Variants in NREP observed in about 807,000 individuals in gnomAD.
The protein encoded by NREP is neuronal regeneration related protein, also known as neuronal regeneration-related protein.
Under a neutral mutation model 8.6 loss-of-function variants are expected in NREP, and 5 were observed. The ratio of observed to expected loss-of-function variants is 0.58; its 90% CI spans 0.30 to 1.22. NREP has a LOEUF of 1.22. Ranked by LOEUF, NREP falls within the 50% of genes most tolerant of loss-of-function variation. The probability of loss-of-function intolerance (pLI) is 0.07; values close to 1 mark genes in which losing one functional copy is unlikely to be tolerated. For missense variants in NREP, 86 were observed against 82.5 expected (o/e 1.04, Z -0.17); for synonymous variants, 27 against 28.0 (o/e 0.96, Z 0.11).
intron 2 of NREP, among the ~76,000 whole-genome samples, chr5:111,829,461 G>A (rs966387835): frequency 2.6e-5 from 4 of 152,144 alleles, no homozygotes; most frequent in African/African-American, 9.7e-5. Context: ...GGCCCATAAA[G>A]ACAATGTAAT....
intron 2 of NREP, among the ~76,000 whole-genome samples, chr5:111,955,513 T>C (rs903727983): frequency 6.7e-6 from 1 of 149,154 alleles, no homozygotes; most frequent in Non-Finnish European, 1.5e-5. Flanking sequence ...AAAAAACACA[T>C]TCGGTTCTAA....
At chr5:111,968,371 T>C (rs1323876141) in intron 2 of NREP, among the ~76,000 whole-genome samples, 1 of 152,300 alleles carries the variant, frequency 6.6e-6, no homozygotes, top group East Asian at 1.9e-4. Flanking sequence ...AATGGCTAAG[T>C]CCATAACATT....
intron 2 of NREP, among the ~76,000 whole-genome samples, chr5:111,840,811 A>T (rs1247657129): frequency 1.3e-5 from 2 of 152,152 alleles, no homozygotes; most frequent in Non-Finnish European, 2.9e-5. Flanking sequence ...GACAGGAAAA[A>T]CTATGAACCA....
At chr5:111,880,184 G>A (rs1295332768) in intron 2 of NREP, among the ~76,000 whole-genome samples, 1 of 151,798 alleles carries the variant, frequency 6.6e-6, no homozygotes, top group East Asian at 1.9e-4. Context: ...ACCTCTCTCT[G>A]TTTACTCATC....
intron 2 of NREP, among the ~76,000 whole-genome samples, chr5:111,887,373 A>T (rs1754287448): frequency 6.6e-6 from 1 of 152,204 alleles, no homozygotes; most frequent in African/African-American, 2.4e-5. Context: ...AATTTTTTAA[A>T]AAGAAGAAAA....
In NREP at chr5:111,946,556, G is replaced by C. The variant is rs139086857; in HGVS notation, c.135+28718C>G. On this transcript the variant is annotated intron_variant, in intron 2 of 3. Coordinates refer to the NREP transcript ENST00000395634. ...CCTTCTCATTTGTCACATGGGATTG[G>C]TCATTTCCTCCCCTCCTATTCTTAT... 8.3e-4 allele frequency among the ~76,000 whole-genome samples: 126 copies of C among 152,048 alleles called. 1 individual carries two copies. The highest frequency in any genetic ancestry group is 2.7e-3 in the African/African-American group (113 of 41,506).
At chr5:111,752,151 T>C (rs1360364983) in intron 2 of NREP, among the ~76,000 whole-genome samples, 1 of 152,218 alleles carries the variant, frequency 6.6e-6, no homozygotes, top group African/African-American at 2.4e-5. Flanking sequence ...CTTCAATGTA[T>C]TTATGATGAT....
At chr5:111,856,567 G>A (rs1016011800) in intron 2 of NREP, among the ~76,000 whole-genome samples, 1 of 152,080 alleles carries the variant, frequency 6.6e-6, no homozygotes, top group Non-Finnish European at 1.5e-5. Context: ...CTGAATTCCA[G>A]AGCCCATGTT....
chr5:111,948,092 A>T (rs1418770508), intron 2 of NREP, among the ~76,000 whole-genome samples: 1 of 152,100 alleles, frequency 6.6e-6, no homozygotes, highest in Non-Finnish European at 1.5e-5. Context: ...ATTTTTGAAT[A>T]ATAAAAAGAA....
At chr5:111,840,285 T>G (rs1340868393) in intron 2 of NREP, among the ~76,000 whole-genome samples, 1 of 152,102 alleles carries the variant, frequency 6.6e-6, no homozygotes, top group African/African-American at 2.4e-5. Context: ...GGGATTTTTT[T>G]GGTGGTGGTT....
At chr5:111,946,824 A>T (rs1376395592) in intron 2 of NREP, among the ~76,000 whole-genome samples, 1 of 152,066 alleles carries the variant, frequency 6.6e-6, no homozygotes, top group African/African-American at 2.4e-5. Context: ...CTATAATGTT[A>T]CTGTTACAAG....
At chr5:111,875,671 T>C (rs1265854527) in intron 2 of NREP, among the ~76,000 whole-genome samples, 1 of 152,202 alleles carries the variant, frequency 6.6e-6, no homozygotes, top group Non-Finnish European at 1.5e-5. Context: ...TCATCCCTTT[T>C]GGTACATTCT....
intron 2 of NREP, among the ~76,000 whole-genome samples, chr5:111,813,056 T>A (rs1336840554): frequency 6.6e-6 from 1 of 152,200 alleles, no homozygotes; most frequent in African/African-American, 2.4e-5. Context: ...GGTACCCTAC[T>A]CTTTAAGTGT....
At chr5:111,962,539 T>C (rs1756508367) in intron 2 of NREP, among the ~76,000 whole-genome samples, 1 of 152,166 alleles carries the variant, frequency 6.6e-6, no homozygotes, top group South Asian at 2.1e-4. Context: ...AGAGAAATCC[T>C]AGGCAGACAG....
At chr5:111,829,983 G>C (rs1387071974) in intron 2 of NREP, among the ~76,000 whole-genome samples, 1 of 152,072 alleles carries the variant, frequency 6.6e-6, no homozygotes, top group African/African-American at 2.4e-5. Flanking sequence ...TTTCCCAAAA[G>C]AATCTAGACA....
chr5:111,968,258 C>T (rs1237575591), intron 2 of NREP, among the ~76,000 whole-genome samples: 3 of 151,966 alleles, frequency 2.0e-5, no homozygotes, highest in African/African-American at 7.2e-5. Flanking sequence ...ACTTTCTTTA[C>T]ATATTAAACC....
chr5:111,746,297 A>T (rs986111766), intron 2 of NREP, among the ~76,000 whole-genome samples: 33 of 152,074 alleles, frequency 2.2e-4, no homozygotes, highest in Non-Finnish European at 4.3e-4. Context: ...AGATGTGGAG[A>T]CTTGTCTCCC....
intron 2 of NREP, among the ~76,000 whole-genome samples, chr5:111,926,797 A>G (rs1392472220): frequency 1.3e-5 from 2 of 151,792 alleles, no homozygotes; most frequent in Non-Finnish European, 2.9e-5. Context: ...CTTCCCCACT[A>G]CTATTCTCCT....
At chr5:111,929,012 A>G (rs1450334928) in intron 2 of NREP, among the ~76,000 whole-genome samples, 1 of 152,120 alleles carries the variant, frequency 6.6e-6, no homozygotes, top group African/African-American at 2.4e-5. Flanking sequence ...TAATAAATGT[A>G]CTTGTTTTAT....
Sources: allele counts gnomAD v4.1 joint callset (sites outside exome capture counted in the v4.1 genomes callset), GRCh38; gene constraint gnomAD v4.1.1; transcripts MANE v1.5; gene names NCBI Gene and HGNC (gene_info 2026-07-23, HGNC 2026-07-21).